The following PRKG1 variants were observed in gnomAD, a reference collection of about 807,000 sequenced individuals.
PRKG1 encodes the protein cGMP-dependent protein kinase 1.
A neutral mutation model predicts 88.1 loss-of-function variants in PRKG1; 35 were observed. The ratio of observed to expected loss-of-function variants is 0.40; its 90% CI spans 0.30 to 0.53. The LOEUF is 0.53. Ranked by LOEUF, PRKG1 falls within the 20% of genes least tolerant of loss-of-function variation. PRKG1 has a pLI of 0.59. For synonymous variants in PRKG1, 303 were observed against 292.5 expected (o/e 1.04, Z -0.37); for missense variants, 540 against 839.8 (o/e 0.64, Z 4.41).
intron 5 of PRKG1, among the ~76,000 whole-genome samples, chr10:52,024,314 TAAC>T (rs1845270543): frequency 4.4e-5 from 3 of 67,466 alleles, no homozygotes; most frequent in Admixed American, 1.7e-4. Flanking sequence ...TTTATTTATT[TAAC>T]TTTTTTTTTT....
At chr10:51,702,038 G>A (rs143121082) in intron 3 of PRKG1, among the ~76,000 whole-genome samples, 10 of 152,086 alleles carry the variant, frequency 6.6e-5, no homozygotes, top group Middle Eastern at 3.4e-3. Flanking sequence ...AACTAAATTT[G>A]GTACACTCTA....
intron 2 of PRKG1, among the ~76,000 whole-genome samples, chr10:51,342,367 AT>A (rs887132989): frequency 2.0e-5 from 3 of 151,996 alleles, no homozygotes; most frequent in African/African-American, 4.8e-5. Flanking sequence ...AAATAGCTCA[AT>A]TTTTTTTCAC....
intron 1 of PRKG1, among the ~76,000 whole-genome samples, chr10:51,011,653 T>C (rs1023744165): frequency 1.3e-5 from 2 of 152,216 alleles, no homozygotes; most frequent in African/African-American, 4.8e-5. Flanking sequence ...TTATTTGGTT[T>C]GACTCCTGTT....
intron 3 of PRKG1, among the ~76,000 whole-genome samples, chr10:51,590,667 AT>A (rs1323492189): frequency 6.6e-6 from 1 of 152,154 alleles, no homozygotes; most frequent in East Asian, 1.9e-4. Context: ...CTGCTCAGCC[AT>A]TGTGTCTGTC....
rs140120508 is a variant in PRKG1, at chr10:51,255,297, C to T, written c.478+101967C>T. On this transcript the variant is annotated intron_variant, in intron 2 of 17. Transcript: ENST00000373980. ...GGTTTAAGCAATTGATTTCATGGCT[C>T]ATATCTTTGTAGTAAAAGAAATCAT... is the stretch of plus-strand genomic sequence containing the variant. 2.6e-3 allele frequency among the ~76,000 whole-genome samples: 398 copies of T among 152,158 alleles called. 7 individuals are homozygous for T. Among genetic ancestry groups the T allele is most frequent in the Admixed American group, 0.025 (376 of 15,260 alleles).
chr10:52,096,929 G>C (rs1847186735), intron 7 of PRKG1, among the ~76,000 whole-genome samples: 1 of 152,040 alleles, frequency 6.6e-6, no homozygotes, highest in Admixed American at 6.6e-5. Flanking sequence ...ATGGCTGCTT[G>C]CTCTGGGCTG....
At chr10:51,062,715 T>C (rs1843706390) in intron 1 of PRKG1, 1 of 149,314 alleles carries the variant, frequency 6.7e-6, no homozygotes, top group Admixed American at 6.7e-5. Context: ...CTCCTGCTCC[T>C]GGGTTCAAGC....
At position 52,260,459 on chromosome 10, in the gene PRKG1, G is replaced by A. The variant is rs537222637; in HGVS notation, c.1173+8793G>A. Among the ~76,000 whole-genome samples, 32 of 152,114 alleles carry A rather than the reference G, an allele frequency of 2.1e-4. No homozygotes were observed. The South Asian group carries it at 6.0e-3, about 29-fold the overall frequency. ...TGAATTTCACAGTATGTGATCCTCT[G>A]TTTCATTTCAACTCATTTTAGATTT... is the stretch of plus-strand genomic sequence containing the variant. On this transcript the variant is annotated intron_variant, in intron 10 of 17. Coordinates refer to ENST00000373980, the MANE Select transcript of PRKG1 (RefSeq NM_006258.4).
intron 3 of PRKG1, among the ~76,000 whole-genome samples, chr10:51,715,635 G>A (rs578196609): frequency 3.0e-4 from 46 of 152,138 alleles, no homozygotes; most frequent in African/African-American, 1.1e-3. Flanking sequence ...TGTCACTATT[G>A]TTACTATTCT....
chr10:52,155,950 C>A (rs1838083573), intron 8 of PRKG1, among the ~76,000 whole-genome samples: 1 of 151,852 alleles, frequency 6.6e-6, no homozygotes, highest in South Asian at 2.1e-4. Flanking sequence ...GAAATTAATT[C>A]TTAGCTTTTT....
chr10:51,393,259 G>A (rs541900971), intron 2 of PRKG1, among the ~76,000 whole-genome samples: 16 of 150,856 alleles, frequency 1.1e-4, no homozygotes, highest in Admixed American at 2.6e-4. Context: ...CATCTCAGAC[G>A]ATGGGCTGCT....
At chr10:52,266,721 A>G (rs1284144700) in intron 10 of PRKG1, among the ~76,000 whole-genome samples, 1 of 151,960 alleles carries the variant, frequency 6.6e-6, no homozygotes, top group Non-Finnish European at 1.5e-5. Context: ...TCCCCATATG[A>G]TAGATGAGGA....
At chr10:51,690,869 T>C (rs1395614622) in intron 3 of PRKG1, among the ~76,000 whole-genome samples, 1 of 131,404 alleles carries the variant, frequency 7.6e-6, no homozygotes, top group East Asian at 2.2e-4. Flanking sequence ...GAGGTTGCAG[T>C]GAGCCAAGAT....
intron 7 of PRKG1, among the ~76,000 whole-genome samples, chr10:52,092,356 G>A (rs1040322619): frequency 3.0e-4 from 46 of 151,974 alleles, no homozygotes; most frequent in African/African-American, 1.1e-3. Context: ...GTAGGTTTCC[G>A]TGAGTACTAA....
intron 3 of PRKG1, among the ~76,000 whole-genome samples, chr10:51,654,351 G>T (rs1328151769): frequency 6.6e-6 from 1 of 152,112 alleles, no homozygotes. Flanking sequence ...TGTGGATTTA[G>T]TTCTGAGCTC....
chr10:51,070,430 C>G (rs376910364), upstream of PRKG1, among the ~76,000 whole-genome samples: 3 of 152,048 alleles, frequency 2.0e-5, no homozygotes, highest in East Asian at 5.8e-4. Context: ...AATCTTCTGC[C>G]AGAGGAAGCT....
chr10:51,034,914 C>T (rs1279156790), intron 1 of PRKG1, among the ~76,000 whole-genome samples: 2 of 151,860 alleles, frequency 1.3e-5, no homozygotes, highest in African/African-American at 4.8e-5. Flanking sequence ...TGAGGCTTCA[C>T]ATGTCTCAGG....
Position 51,401,314 on chromosome 10 carries a change from G to A in PRKG1, c.479-66409G>A, listed in dbSNP as rs895408683. On this transcript the variant is annotated intron_variant, in intron 2 of 17. Transcript: ENST00000373980. ...AGGTGCTGATGCTGAATAGACACAC[G>A]TGGCTAGTGACTACCATTTGGAAAG... 4.6e-5 allele frequency among the ~76,000 whole-genome samples: 7 copies of A among 152,270 alleles called. No individual in the cohort carries two copies. In the South Asian group the frequency reaches 6.2e-4, roughly 14 times the overall value.
intron 3 of PRKG1, among the ~76,000 whole-genome samples, chr10:51,717,743 A>G (rs1841919649): frequency 6.6e-6 from 1 of 151,920 alleles, no homozygotes; most frequent in Admixed American, 6.6e-5. Context: ...GAGGCTGGAG[A>G]ATGGCGTGAA....
Sources: gnomAD v4.1 joint callset for allele counts (sites outside exome capture counted in the v4.1 genomes callset) on GRCh38, gnomAD v4.1.1 for gene constraint, MANE v1.5 for transcripts, NCBI Gene and HGNC (gene_info 2026-07-23, HGNC 2026-07-21) for gene names.